The following HUNK variants were observed in gnomAD, a reference collection of about 807,000 sequenced individuals.
The protein encoded by HUNK is hormonally up-regulated Neu-associated kinase.
A neutral mutation model predicts 61.0 loss-of-function variants in HUNK; 21 were observed. The ratio of observed to expected loss-of-function variants is 0.34; its 90% confidence interval spans 0.24 to 0.50. The LOEUF (loss-of-function observed/expected upper bound fraction) is 0.50, where lower values mean the gene tolerates loss of function less well. Among genes scored for constraint, HUNK ranks in the 20% least tolerant of loss-of-function variants. The probability of loss-of-function intolerance (pLI) is 0.98; values close to 1 mark genes in which losing one functional copy is unlikely to be tolerated. For missense variants in HUNK, 772 were observed against 945.7 expected, an observed-to-expected ratio of 0.82 and a Z score of 2.41; for synonymous variants, 371 against 386.1, an observed-to-expected ratio of 0.96 and a Z score of 0.46.
intron 3 of HUNK, among the ~76,000 whole-genome samples, chr21:31,943,601 G>A (rs2052783067): frequency 6.6e-6 from 1 of 152,184 alleles, no homozygotes; most frequent in Admixed American, 6.5e-5. Flanking sequence ...AACATAAGTT[G>A]CTTAACATGC....
At chr21:31,990,257 T>C in intron 9 of HUNK, 81 bp downstream of exon 9, 1 of 1,267,600 alleles carries the variant, frequency 7.9e-7, no homozygotes, top group Non-Finnish European at 1.1e-6. Context: ...AGAGAGAGAT[T>C]GAGACTGAGA....
At chr21:31,937,519 A>G (rs2052740483) in intron 2 of HUNK, among the ~76,000 whole-genome samples, 1 of 152,208 alleles carries the variant, frequency 6.6e-6, no homozygotes, top group Non-Finnish European at 1.5e-5. Context: ...TGCAAATTTT[A>G]AAAATACTTT....
intron 4 of HUNK, among the ~76,000 whole-genome samples, chr21:31,950,067 A>G (rs1601393882): frequency 6.6e-6 from 1 of 152,198 alleles, no homozygotes; most frequent in East Asian, 1.9e-4. Context: ...AGGCCCCTGA[A>G]TCACCACCCT....
At chr21:31,923,166 C>T (rs762898200) in intron 1 of HUNK, among the ~76,000 whole-genome samples, 2 of 152,108 alleles carry the variant, frequency 1.3e-5, no homozygotes, top group Non-Finnish European at 2.9e-5. Context: ...ACAGGGCAGC[C>T]GGCGTGGTGA....
chr21:31,932,037 A>T (rs1429097213), intron 2 of HUNK, among the ~76,000 whole-genome samples: 2 of 152,112 alleles, frequency 1.3e-5, no homozygotes, highest in Non-Finnish European at 2.9e-5. Context: ...ACACCCATGG[A>T]TGCGTGCACA....
chr21:31,947,343 G>A (rs147566636), intron 4 of HUNK, among the ~76,000 whole-genome samples: 48 of 136,140 alleles, frequency 3.5e-4, no homozygotes, highest in African/African-American at 1.2e-3. Context: ...AGTGGCGCCT[G>A]CGCATTCCCA....
At chr21:31,998,019 G>A (rs936254980) in intron 10 of HUNK, among the ~76,000 whole-genome samples, 3 of 152,092 alleles carry the variant, frequency 2.0e-5, no homozygotes, top group African/African-American at 4.8e-5. Context: ...CCAGGCTCAG[G>A]TGATCCTCCC....
intron 9 of HUNK, among the ~76,000 whole-genome samples, chr21:31,995,277 C>A (rs897784735): frequency 6.6e-6 from 1 of 152,106 alleles, no homozygotes; most frequent in Non-Finnish European, 1.5e-5. Context: ...CAGGACCGCT[C>A]AGGGCTCTCT....
rs139600481 is a variant in HUNK at position 31,919,202 on chromosome 21, T to G, written c.262-5266T>G. ...GGTTGAGGGGCTGGACTGAGCGGTA[T>G]GAGGAGGAGGGGCTGGAATGAGTGG... On this transcript the variant is annotated intron_variant, in intron 1 of 10. Coordinates refer to ENST00000270112, the MANE Select transcript of HUNK (RefSeq NM_014586.2). Among the ~76,000 whole-genome samples, 1,415 of 146,652 alleles carry G rather than the reference T, an allele frequency of 9.6e-3. 19 individuals are homozygous for G. The highest frequency in any genetic ancestry group is 0.025 in the Middle Eastern group (7 of 282).
intron 4 of HUNK, among the ~76,000 whole-genome samples, chr21:31,958,455 C>T (rs112982249): frequency 0.17 from 26,019 of 151,932 alleles, 2,411 homozygotes; most frequent in Middle Eastern, 0.33. Flanking sequence ...CCCGCCACCA[C>T]GCCTGGCTAA....
intron 2 of HUNK, among the ~76,000 whole-genome samples, chr21:31,932,830 T>C (rs2123822586): frequency 6.6e-6 from 1 of 151,934 alleles, no homozygotes; most frequent in East Asian, 1.9e-4. Flanking sequence ...TTGCCTGTTG[T>C]TCCTAAGACA....
intron 2 of HUNK, among the ~76,000 whole-genome samples, chr21:31,927,716 G>A (rs905382396): frequency 1.3e-5 from 2 of 151,944 alleles, no homozygotes; most frequent in African/African-American, 4.8e-5. Flanking sequence ...ATAGAACTTA[G>A]ACTTCCAAGG....
chr21:31,988,371 C>T (rs2053148107), intron 8 of HUNK, among the ~76,000 whole-genome samples: 1 of 152,146 alleles, frequency 6.6e-6, no homozygotes, highest in East Asian at 1.9e-4. Flanking sequence ...ATGTCAAATC[C>T]AGCTAGGAGG....
chr21:31,968,414 C>T (rs753186690), intron 6 of HUNK, 29 bp downstream of exon 6: 23 of 1,613,046 alleles, frequency 1.4e-5, no homozygotes, highest in East Asian at 6.7e-5. Flanking sequence ...AGGAACTCCT[C>T]GGGAGAGACG....
chr21:31,968,642 A>C (rs923538313), intron 6 of HUNK, among the ~76,000 whole-genome samples: 1 of 151,738 alleles, frequency 6.6e-6, no homozygotes, highest in Non-Finnish European at 1.5e-5. Context: ...CCAGGCTTTG[A>C]GGGTCTGTAT....
chr21:31,927,110 G>A (rs2052666225), intron 2 of HUNK, among the ~76,000 whole-genome samples: 1 of 151,256 alleles, frequency 6.6e-6, no homozygotes, highest in South Asian at 2.1e-4. Flanking sequence ...GCACAATCTC[G>A]GCTCACTGCA....
At chr21:31,975,980 A>G (rs2053046426) in intron 7 of HUNK, among the ~76,000 whole-genome samples, 1 of 152,248 alleles carries the variant, frequency 6.6e-6, no homozygotes. Context: ...TTTAGCTCAG[A>G]ATATTGGCTA....
intron 1 of HUNK, among the ~76,000 whole-genome samples, chr21:31,919,683 G>A (rs1436305939): frequency 6.6e-6 from 1 of 152,210 alleles, no homozygotes; most frequent in Non-Finnish European, 1.5e-5. Flanking sequence ...AGTGGAGCCT[G>A]AGAGGGAGTT....
chr21:31,950,598 ACT>A (rs1457921496), intron 4 of HUNK, among the ~76,000 whole-genome samples: 1 of 152,152 alleles, frequency 6.6e-6, no homozygotes, highest in African/African-American at 2.4e-5. Flanking sequence ...TGAATTTCCT[ACT>A]GCTTTGGGGT....
Sources: gnomAD v4.1 joint callset for allele counts (sites outside exome capture counted in the v4.1 genomes callset) on GRCh38, gnomAD v4.1.1 for gene constraint, MANE v1.5 for transcripts, NCBI Gene and HGNC (gene_info 2026-07-23, HGNC 2026-07-21) for gene names.